Variants in RERE observed in about 807,000 individuals in gnomAD.
RERE encodes the protein arginine-glutamic acid dipeptide repeats.
Under a neutral mutation model 146.1 loss-of-function variants are expected in RERE, and 40 were observed. That is an observed-to-expected ratio of 0.27 (90% CI 0.21 to 0.36). The LOEUF is 0.36. RERE is among the 10% of genes least tolerant of loss of function. The pLI is 1.00. For synonymous variants in RERE, 1,003 were observed against 866.0 expected (o/e 1.16, Z -2.78); for missense variants, 1,933 against 2,138.7 (o/e 0.90, Z 1.90).
chr1:8,517,463 T>C (rs1353530006), intron 7 of RERE, among the ~76,000 whole-genome samples: 1 of 152,236 alleles, frequency 6.6e-6, no homozygotes, highest in Non-Finnish European at 1.5e-5. Flanking sequence ...CTGTGAATCA[T>C]ATTACAAAAA....
chr1:8,541,144 C>A (rs1270052446), intron 7 of RERE, 70 bp downstream of exon 7: 2 of 827,476 alleles, frequency 2.4e-6, no homozygotes, highest in Admixed American at 4.3e-5. Flanking sequence ...CACACACACA[C>A]ACATACACAC....
At chr1:8,555,187 GAA>G (rs1389417414) in intron 6 of RERE, among the ~76,000 whole-genome samples, 1 of 152,184 alleles carries the variant, frequency 6.6e-6, no homozygotes, top group African/African-American at 2.4e-5. Context: ...TGGCCTGAGA[GAA>G]GAGTTTTCCC....
At chr1:8,595,414 T>A (rs1646543605) in intron 4 of RERE, among the ~76,000 whole-genome samples, 1 of 151,940 alleles carries the variant, frequency 6.6e-6, no homozygotes, top group Non-Finnish European at 1.5e-5. Flanking sequence ...TTAAAAAAAG[T>A]ACACACACAC....
At chr1:8,379,925 A>G (rs1479304481) in intron 12 of RERE, among the ~76,000 whole-genome samples, 1 of 152,222 alleles carries the variant, frequency 6.6e-6, no homozygotes, top group Non-Finnish European at 1.5e-5. Flanking sequence ...TGCAGCACGT[A>G]TGCCACAAAC....
In RERE at chr1:8,364,379, G is replaced by T. The variant is rs1557590207; in HGVS notation, c.1541-124C>A. 1 of 840,416 alleles carries T rather than the reference G, an allele frequency of 1.2e-6. No homozygotes were observed. The highest frequency in any genetic ancestry group is 1.5e-5 in the South Asian group (1 of 65,958). 52.1% of individuals were successfully genotyped at this position (840,416 alleles called of 1,614,324 possible). On this transcript the variant is annotated intron_variant, in intron 14 of 22. Transcript: ENST00000400908. The surrounding 1 kb of genome is among the most constrained non-coding windows in gnomAD (Gnocchi z 5.1). ...ATGCCACCAGCACCATGCAGCCCTG[G>T]GCCCCAACACCCCAGGGCTAGTGCT...
intron 11 of RERE, chr1:8,464,831 A>C (rs1008114571): frequency 1.3e-5 from 2 of 151,678 alleles, no homozygotes; most frequent in African/African-American, 4.9e-5. Context: ...CTGCTTCACC[A>C]CCCCCGGCAC....
chr1:8,546,204 C>T (rs915088954), intron 6 of RERE, among the ~76,000 whole-genome samples: 1 of 151,298 alleles, frequency 6.6e-6, no homozygotes, highest in Non-Finnish European at 1.5e-5. Flanking sequence ...TGGTCTCAGA[C>T]TCCTGGGCTC....
At chr1:8,637,276 G>C (rs967503507) in intron 2 of RERE, among the ~76,000 whole-genome samples, 1 of 152,204 alleles carries the variant, frequency 6.6e-6, no homozygotes, top group African/African-American at 2.4e-5. Context: ...CTACTATAAG[G>C]TTGCACAAGT....
Position 8,356,135 on chromosome 1 carries a change from G to C in RERE, c.4451C>G (p.Pro1484Arg), listed in dbSNP as rs1349089760. 6.6e-7 allele frequency: 1 copy of C among 1,512,756 alleles called. No individual in the cohort carries two copies. Among genetic ancestry groups the C allele is most frequent in the African/African-American group, 1.5e-5 (1 of 68,564 alleles). 93.7% of individuals were successfully genotyped at this position (1,512,756 alleles called of 1,614,324 possible). A position where few individuals can be genotyped will look rare whatever the true frequency, so the allele number is the denominator to read the frequency against. The change falls in exon 21 of 23, where the codon CCA becomes CGA. Residue 1484 changes from proline (P) to arginine (R), a missense_variant. Physicochemically the swap from Pro to Arg is moderately radical, Grantham distance 103. Transcript: ENST00000400908. The surrounding 1 kb of genome is among the most constrained non-coding windows in gnomAD (Gnocchi z 5.2). ...GTGGCGAAGCATCTCGTGCTCGTGT[G>C]GGGGCTGTCCAAGCAGAGGGTTGGG... ...TLPNPLLGQPPHEHEMLRHPV... is the reference protein window; with the variant it reads ...TLPNPLLGQPRHEHEMLRHPV...
rs3050828 is a variant in RERE, at chr1:8,545,982, C to CTTTTTTTTTTTTTTTTTTT, written c.726-4683_726-4665dup. On this transcript the variant is annotated intron_variant, in intron 6 of 22. Coordinates refer to ENST00000400908, the MANE Select transcript of RERE (RefSeq NM_001042681.2). ...ACAGGTGCAAGCTACCATACCCAGTCTTTTTTTTTTTTTTTTTTTTTTTTT... is the reference window on the plus strand; with the variant it reads ...ACAGGTGCAAGCTACCATACCCAGTCTTTTTTTTTTTTTTTTTTTTTTTTTTTTTTTTTTTTTTTTTTTT... Among the ~76,000 whole-genome samples, 30 of 69,470 alleles carry CTTTTTTTTTTTTTTTTTTT rather than the reference C, an allele frequency of 4.3e-4. 3 individuals are homozygous for CTTTTTTTTTTTTTTTTTTT. The highest frequency in any genetic ancestry group is 1.7e-3 in the African/African-American group (29 of 16,690). The allele number at this position is 69,470 out of a possible 152,430, so 45.6% of individuals were successfully genotyped here.
intron 12 of RERE, among the ~76,000 whole-genome samples, chr1:8,396,166 T>C (rs925285239): frequency 2.6e-5 from 4 of 152,148 alleles, no homozygotes; most frequent in Admixed American, 2.6e-4. Flanking sequence ...AATTATCCTG[T>C]TTCTACCATC....
At chr1:8,766,846 GGTTTT>G (rs1053058558) in intron 1 of RERE, among the ~76,000 whole-genome samples, 48 of 152,094 alleles carry the variant, frequency 3.2e-4, no homozygotes, top group African/African-American at 1.1e-3. Context: ...GTTTTAAGAA[GGTTTT>G]GTTTTAAGGT....
At chr1:8,648,369 C>T (rs1647428330) in intron 2 of RERE, among the ~76,000 whole-genome samples, 1 of 152,044 alleles carries the variant, frequency 6.6e-6, no homozygotes, top group African/African-American at 2.4e-5. Context: ...GTAGCTGGGA[C>T]TACAGGAGCA....
chr1:8,772,936 A>C (rs1329036587), intron 1 of RERE, among the ~76,000 whole-genome samples: 2 of 152,136 alleles, frequency 1.3e-5, no homozygotes, highest in Non-Finnish European at 2.9e-5. Flanking sequence ...AAAGTACAAA[A>C]ATTAGCCAGG....
chr1:8,648,403 T>C (rs115828426), intron 2 of RERE, among the ~76,000 whole-genome samples: 2,313 of 152,216 alleles, frequency 0.015, 60 homozygotes, highest in African/African-American at 0.053. Context: ...GGCTAACTTT[T>C]GTATTTTGAG....
intron 10 of RERE, among the ~76,000 whole-genome samples, chr1:8,483,947 T>C (rs1207989815): frequency 6.6e-6 from 1 of 152,170 alleles, no homozygotes; most frequent in Non-Finnish European, 1.5e-5. Flanking sequence ...AGTGAATATA[T>C]AGTTATGTTT....
At chr1:8,796,827 T>G (rs1165785221) in intron 1 of RERE, among the ~76,000 whole-genome samples, 1 of 152,094 alleles carries the variant, frequency 6.6e-6, no homozygotes, top group Non-Finnish European at 1.5e-5. Context: ...GGAAACTGAA[T>G]GTTTAAGTAT....
At chr1:8,535,138 C>A (rs72867542) in intron 7 of RERE, among the ~76,000 whole-genome samples, 2,741 of 152,060 alleles carry the variant, frequency 0.018, 102 homozygotes, top group African/African-American at 0.064. Flanking sequence ...TAATAATACT[C>A]CATTGCTATT....
rs546492325 is a variant in RERE, at chr1:8,421,540, T to C, written c.1284+1187A>G. On this transcript the variant is annotated intron_variant, in intron 12 of 22. Coordinates refer to ENST00000400908, the MANE Select transcript of RERE (RefSeq NM_001042681.2). The stretch of plus-strand genomic sequence containing the variant: ...GCGTAATACTTAAATTTAATTGTCA[T>C]TGACTGATGCAAATCATCCATTTAT... 1.1e-3 allele frequency among the ~76,000 whole-genome samples: 171 copies of C among 152,306 alleles called. 3 individuals carry two copies. The South Asian group carries it at 0.034, about 30-fold the overall frequency.
Sources: allele counts gnomAD v4.1 joint callset (sites outside exome capture counted in the v4.1 genomes callset), GRCh38; gene constraint gnomAD v4.1.1; non-coding constraint Gnocchi (gnomAD v3.1); transcripts MANE v1.5; gene names NCBI Gene and HGNC (gene_info 2026-07-23, HGNC 2026-07-21).